ZNF492: variants seen among roughly 807,000 people sequenced by gnomAD.
ZNF492 encodes the protein zinc finger protein 492.
A neutral mutation model predicts 6.4 loss-of-function variants in ZNF492; 3 were observed. That is an observed-to-expected ratio of 0.47 (90% CI 0.21 to 1.22). The LOEUF is 1.22. Among genes scored for constraint, ZNF492 ranks in the 50% most tolerant of loss-of-function variants. ZNF492 has a pLI of 0.22. For synonymous variants in ZNF492, 112 were observed against 205.3 expected (o/e 0.55, Z 3.89); for missense variants, 356 against 612.5 (o/e 0.58, Z 4.42).
At chr19:22,637,926 AGAT>A (rs1450357556) in intron 1 of ZNF492, among the ~76,000 whole-genome samples, 2 of 152,216 alleles carry the variant, frequency 1.3e-5, no homozygotes, top group Non-Finnish European at 1.5e-5. Context: ...TCACTGGATG[AGAT>A]GATATTTCAT....
chr19:22,653,583 A>ATCT, intron 2 of ZNF492, 150 bp downstream of exon 2: 1 of 1,181,626 alleles, frequency 8.5e-7, no homozygotes, highest in Non-Finnish European at 1.2e-6. Context: ...GAATTTCAAG[A>ATCT]TGTTTCATTT....
intron 1 of ZNF492, among the ~76,000 whole-genome samples, chr19:22,644,153 C>CA (rs1460777372): frequency 1.7e-4 from 19 of 111,796 alleles, no homozygotes; most frequent in Non-Finnish European, 2.1e-4. Flanking sequence ...TCTCAAGATG[C>CA]GGTGTAATTT....
At chr19:22,655,344 T>C (rs1971983649) in intron 3 of ZNF492, among the ~76,000 whole-genome samples, 2 of 146,976 alleles carry the variant, frequency 1.4e-5, no homozygotes, top group Non-Finnish European at 3.0e-5. Flanking sequence ...TTTTTAAATT[T>C]ATTTTTGTCT....
intron 3 of ZNF492, among the ~76,000 whole-genome samples, chr19:22,662,209 G>A (rs1050005604): frequency 1.3e-5 from 2 of 152,054 alleles, no homozygotes; most frequent in Non-Finnish European, 2.9e-5. Context: ...TTGTGATAGT[G>A]TGCTCAGAAT....
intron 1 of ZNF492, among the ~76,000 whole-genome samples, chr19:22,645,433 T>C (rs565923417): frequency 6.6e-6 from 1 of 152,302 alleles, no homozygotes; most frequent in South Asian, 2.1e-4. Context: ...CTTTGTCAGA[T>C]GGGTAGATTG....
chr19:22,637,969 T>C (rs1971784971), intron 1 of ZNF492, among the ~76,000 whole-genome samples: 1 of 152,172 alleles, frequency 6.6e-6, no homozygotes, highest in African/African-American at 2.4e-5. Flanking sequence ...TCCCTAATGA[T>C]TAGTGATGAG....
intron 3 of ZNF492, among the ~76,000 whole-genome samples, chr19:22,663,258 T>G (rs1184196304): frequency 2.6e-5 from 4 of 151,796 alleles, no homozygotes; most frequent in South Asian, 2.1e-4. Context: ...ATGTGTGGTG[T>G]TATTTCTGAG....
rs1468387323 is a variant in ZNF492, at chr19:22,663,811, T to C, written c.142T>C (p.Tyr48His). The change falls in exon 4 of 4, where the codon TAT (tyrosine) becomes CAT (histidine). Residue 48 changes from tyrosine (Y) to histidine (H), a missense_variant. Transcript: ENST00000456783. ...MVAEPPVVCS[Y>H]FARDLWPKQG... ...TTTATTTCTTTCAGTTGTATGTTCT[T>C]ATTTTGCCCGAGACCTTTGGCCAAA... The C allele has an allele frequency of 2.1e-5, 32 of 1,517,556 alleles. No homozygotes were observed. The highest frequency in any genetic ancestry group is 7.1e-5 in the Admixed American group (3 of 42,274). The allele number at this position is 1,517,556 out of a possible 1,614,324, so 94.0% of individuals were successfully genotyped here. A position where few individuals can be genotyped will look rare whatever the true frequency, so the allele number is the denominator to read the frequency against.
chr19:22,659,574 A>ACACG (rs1972033663), intron 3 of ZNF492, among the ~76,000 whole-genome samples: 1 of 150,142 alleles, frequency 6.7e-6, no homozygotes, highest in South Asian at 2.1e-4. Flanking sequence ...ACACACACAC[A>ACACG]CACACACACA....
intron 1 of ZNF492, among the ~76,000 whole-genome samples, chr19:22,639,527 A>G (rs1971803045): frequency 6.6e-6 from 1 of 151,880 alleles, no homozygotes; most frequent in Admixed American, 6.6e-5. Flanking sequence ...CCTGACCAAC[A>G]TGGAGAAACC....
rs943095254 is a variant in ZNF492 at position 22,667,583 on chromosome 19, C to T, written c.*2318C>T. 3.3e-5 allele frequency: 5 copies of T among 151,706 alleles called. No individual in the cohort carries two copies. The highest frequency in any genetic ancestry group is 1.3e-4 in the Admixed American group (2 of 15,236). The allele number at this position is 151,706 out of a possible 1,614,324, so 9.4% of individuals were successfully genotyped here. A position where few individuals can be genotyped will look rare whatever the true frequency, so the allele number is the denominator to read the frequency against. ...TTTTAAAATATACGATTGTTATTGA[C>T]TACAGGGTTATTTTTATAATAAAAA... On this transcript the variant is annotated 3_prime_UTR_variant, in exon 4 of 4. Transcript: ENST00000456783.
At chr19:22,634,696 G>A (rs1568350333) in intron 1 of ZNF492, among the ~76,000 whole-genome samples, 1 of 152,152 alleles carries the variant, frequency 6.6e-6, no homozygotes, top group Non-Finnish European at 1.5e-5. Context: ...CGCAGTGACG[G>A]TGCCCTGGCC....
intron 1 of ZNF492, among the ~76,000 whole-genome samples, chr19:22,650,446 T>A (rs745322786): frequency 2.0e-5 from 3 of 151,566 alleles, no homozygotes; most frequent in Non-Finnish European, 4.4e-5. Flanking sequence ...TGTCCCTTGG[T>A]GGAGGGGGTA....
At chr19:22,647,516 G>A (rs1312957413) in intron 1 of ZNF492, among the ~76,000 whole-genome samples, 2 of 151,022 alleles carry the variant, frequency 1.3e-5, no homozygotes, top group South Asian at 4.2e-4. Context: ...CCCCAATCTC[G>A]GCCTCCCAAA....
chr19:22,661,690 T>C lies in ZNF492; in HGVS notation c.131-2110T>C, dbSNP rs534200793. ...CAGCCCACTGCAGCCTCCACTTCTC[T>C]GGTTCAAGTGATTATCTGGTCTCAG... On this transcript the variant is annotated intron_variant, in intron 3 of 3. Transcript: ENST00000456783. 7.2e-5 allele frequency among the ~76,000 whole-genome samples: 11 copies of C among 152,226 alleles called. No homozygotes were observed. In the East Asian group the frequency reaches 1.2e-3, roughly 16 times the overall value.
At chr19:22,658,001 A>C (rs1158165938) in intron 3 of ZNF492, among the ~76,000 whole-genome samples, 1 of 152,136 alleles carries the variant, frequency 6.6e-6, no homozygotes, top group Non-Finnish European at 1.5e-5. Flanking sequence ...TGTGTGAGGG[A>C]AACACTTTTG....
intron 1 of ZNF492, among the ~76,000 whole-genome samples, chr19:22,640,842 C>G (rs1971818980): frequency 6.6e-6 from 1 of 151,974 alleles, no homozygotes; most frequent in Admixed American, 6.6e-5. Flanking sequence ...TTTGTTCAGT[C>G]TTGAGAGGAT....
chr19:22,653,481 T>C (rs1477195677), intron 2 of ZNF492, 48 bp downstream of exon 2: 1 of 1,583,628 alleles, frequency 6.3e-7, no homozygotes, highest in Non-Finnish European at 8.5e-7. Flanking sequence ...CTATAAATTT[T>C]ATTTCTCTTT....
rs1313251346 is a variant in ZNF492 at position 22,665,442 on chromosome 19, AAAG to A, written c.*180_*182del. ...TACTTGAGAACAAATGTACAAATATAAAGAAAGTAAAAAAGTGATTAATATCTG... is the reference window on the plus strand; with the variant it reads ...TACTTGAGAACAAATGTACAAATATAAAAGTAAAAAAGTGATTAATATCTG... On this transcript the variant is annotated 3_prime_UTR_variant, in exon 4 of 4. Transcript: ENST00000456783. 3.1e-5 allele frequency: 40 copies of A among 1,304,360 alleles called. No homozygotes were observed. The East Asian group carries it at 1.0e-3, about 33-fold the overall frequency. 80.8% of individuals were successfully genotyped at this position (1,304,360 alleles called of 1,614,324 possible).
Sources: allele counts gnomAD v4.1 joint callset (sites outside exome capture counted in the v4.1 genomes callset), GRCh38; gene constraint gnomAD v4.1.1; transcripts MANE v1.5; gene names NCBI Gene and HGNC (gene_info 2026-07-23, HGNC 2026-07-21).